Variants in APLF observed in about 807,000 individuals in gnomAD.
APLF encodes the protein aprataxin and PNK-like factor.
A neutral mutation model predicts 55.6 loss-of-function variants in APLF; 61 were observed. That is an observed-to-expected ratio of 1.10 (90% CI 0.89 to 1.36). The LOEUF is 1.36. Ranked by LOEUF, APLF falls within the 40% of genes most tolerant of loss-of-function variation. The pLI, the probability that APLF is intolerant of heterozygous loss-of-function variation, is 0.00. For missense variants in APLF, 611 were observed against 602.5 expected (o/e 1.01, Z -0.15); for synonymous variants, 207 against 214.8 (o/e 0.96, Z 0.32).
chr2:68,519,100 AATATAAT>A (rs1432762593), intron 5 of APLF, among the ~76,000 whole-genome samples: 2 of 132,384 alleles, frequency 1.5e-5, no homozygotes, highest in Non-Finnish European at 3.1e-5. Flanking sequence ...AATATATAAT[AATATAAT>A]ATATAATATA....
At position 68,545,184 on chromosome 2, in the gene APLF, T is replaced by A. The variant is rs759060036; in HGVS notation, c.1161-3T>A. 1 of 1,612,556 alleles carries A rather than the reference T, an allele frequency of 6.2e-7. No individual in the cohort carries two copies. Among genetic ancestry groups the A allele is most frequent in the South Asian group, 1.1e-5 (1 of 90,908 alleles). On this transcript the variant is annotated splice_polypyrimidine_tract_variant and splice_region_variant and intron_variant, in intron 7 of 9. Transcript: ENST00000303795. ...TCTGACAGTATATTTGTCGCCCTCC[T>A]AGGAAGAATCCTGTTCATTTTCAAC...
chr2:68,539,349 C>G (rs1316780255), intron 7 of APLF, among the ~76,000 whole-genome samples: 1 of 152,208 alleles, frequency 6.6e-6, no homozygotes. Flanking sequence ...AGCCCTAGAT[C>G]ATGGTGTCAG....
intron 1 of APLF, among the ~76,000 whole-genome samples, chr2:68,483,060 G>A (rs1676015079): frequency 6.6e-6 from 1 of 152,058 alleles, no homozygotes; most frequent in Admixed American, 6.5e-5. Flanking sequence ...GGTCTTTATG[G>A]AATGATGGTA....
At chr2:68,468,930 C>T (rs1179722082) in intron 1 of APLF, among the ~76,000 whole-genome samples, 2 of 151,592 alleles carry the variant, frequency 1.3e-5, no homozygotes, top group African/African-American at 4.8e-5. Context: ...TAGGTCCCTT[C>T]TGGGAGCAGG....
chr2:68,528,224 G>A, intron 6 of APLF: 2 of 1,118,812 alleles, frequency 1.8e-6, no homozygotes, highest in South Asian at 1.3e-5. Flanking sequence ...TTACAGGCGT[G>A]GGCCACCATG....
At chr2:68,549,867 C>G (rs1183887848) in intron 8 of APLF, among the ~76,000 whole-genome samples, 1 of 152,148 alleles carries the variant, frequency 6.6e-6, no homozygotes, top group African/African-American at 2.4e-5. Context: ...GGGAAATTTA[C>G]TCAGAGCTGT....
At chr2:68,507,069 G>C in intron 3 of APLF, among the ~76,000 whole-genome samples, 1 of 151,880 alleles carries the variant, frequency 6.6e-6, no homozygotes, top group East Asian at 1.9e-4. Flanking sequence ...CATGGAGAGG[G>C]CTTGAATTGT....
At chr2:68,506,516 C>G (rs1676876390) in intron 3 of APLF, among the ~76,000 whole-genome samples, 1 of 151,984 alleles carries the variant, frequency 6.6e-6, no homozygotes, top group Non-Finnish European at 1.5e-5. Context: ...TACTGTTGTA[C>G]AAGCTTTACA....
At chr2:68,513,788 G>C (rs779282790) in intron 5 of APLF, 108 bp downstream of exon 5, 90 of 1,297,806 alleles carry the variant, frequency 6.9e-5, no homozygotes, top group Non-Finnish European at 9.2e-5. Context: ...TAGAGTAGAG[G>C]TTGTGTAAGT....
intron 1 of APLF, among the ~76,000 whole-genome samples, chr2:68,476,552 C>A (rs1675782294): frequency 6.6e-6 from 1 of 150,998 alleles, no homozygotes; most frequent in Non-Finnish European, 1.5e-5. Flanking sequence ...ACTTCGAAGT[C>A]AATTACCAAG....
At chr2:68,571,013 T>C (rs1671444838) in intron 9 of APLF, among the ~76,000 whole-genome samples, 1 of 152,224 alleles carries the variant, frequency 6.6e-6, no homozygotes, top group Non-Finnish European at 1.5e-5. Flanking sequence ...TGGTATCTCA[T>C]TGTGGTTTTG....
rs1670045740 is a variant in APLF at position 68,526,338 on chromosome 2, TTTA to T, written c.804+99_804+101del. ...ATATAAAGAGAAATCAAAACTGCCT[TTTA>T]TTGTTGAGTTTATGAAGACAAAACT... On this transcript the variant is annotated intron_variant, in intron 6 of 9. Coordinates refer to ENST00000303795, the MANE Select transcript of APLF (RefSeq NM_173545.3). 13 of 1,454,434 alleles carry T rather than the reference TTTA, an allele frequency of 8.9e-6. No homozygotes were observed. The South Asian group carries it at 1.6e-4, about 18-fold the overall frequency. 90.1% of individuals were successfully genotyped at this position (1,454,434 alleles called of 1,614,324 possible). A position where few individuals can be genotyped will look rare whatever the true frequency, so the allele number is the denominator to read the frequency against.
At chr2:68,483,947 A>G (rs1442771451) in intron 1 of APLF, among the ~76,000 whole-genome samples, 1 of 152,182 alleles carries the variant, frequency 6.6e-6, no homozygotes, top group Non-Finnish European at 1.5e-5. Flanking sequence ...ATGTAGACAA[A>G]AAATGAAATG....
At chr2:68,535,548 A>G (rs1670363395) in intron 6 of APLF, among the ~76,000 whole-genome samples, 1 of 151,728 alleles carries the variant, frequency 6.6e-6, no homozygotes, top group African/African-American at 2.4e-5. Flanking sequence ...ATGTCTGCAT[A>G]GTATTTCATA....
chr2:68,544,700 A>T lies in APLF; in HGVS notation c.1161-487A>T, dbSNP rs1670651321. On this transcript the variant is annotated intron_variant, in intron 7 of 9. Coordinates refer to ENST00000303795, the MANE Select transcript of APLF (RefSeq NM_173545.3). ...CTTGAGACCGAAAAGTTTGAAAAAC[A>T]CTTTTAGAAGTTAGGATAGTTACCT... 2.0e-5 allele frequency among the ~76,000 whole-genome samples: 3 copies of T among 152,120 alleles called. No homozygotes were observed. The South Asian group carries it at 6.2e-4, about 32-fold the overall frequency.
intron 8 of APLF, among the ~76,000 whole-genome samples, chr2:68,563,823 C>A (rs1398030936): frequency 2.0e-5 from 3 of 151,874 alleles, no homozygotes; most frequent in Non-Finnish European, 4.4e-5. Flanking sequence ...GTACCCGAAG[C>A]AAACATATAT....
rs577091563 is a variant in APLF at position 68,493,840 on chromosome 2, G to A, written c.168+3579G>A. Among the ~76,000 whole-genome samples the A allele has an allele frequency of 3.3e-5, 5 of 151,470 alleles. No individual in the cohort carries two copies. The East Asian group carries it at 7.9e-4, about 24-fold the overall frequency. On this transcript the variant is annotated intron_variant, in intron 2 of 9. Coordinates refer to ENST00000303795, the MANE Select transcript of APLF (RefSeq NM_173545.3). Reference sequence around the variant, plus strand: ...TTAGCCAGGCGTGGCCAGGCGCGGTGGCTCACGCCTGTAATCCCAGCACTT... The same window carrying A: ...TTAGCCAGGCGTGGCCAGGCGCGGTAGCTCACGCCTGTAATCCCAGCACTT...
chr2:68,469,486 TG>T (rs1675550837), intron 1 of APLF, among the ~76,000 whole-genome samples: 1 of 152,248 alleles, frequency 6.6e-6, no homozygotes, highest in African/African-American at 2.4e-5. Flanking sequence ...GAGTGAAAGC[TG>T]GGCAATTACC....
At chr2:68,518,287 T>A (rs1356689752) in intron 5 of APLF, among the ~76,000 whole-genome samples, 4 of 115,560 alleles carry the variant, frequency 3.5e-5, no homozygotes, top group Admixed American at 2.1e-4. Context: ...TATATAATAT[T>A]AATATATTAA....
Sources: gnomAD v4.1 joint callset for allele counts (sites outside exome capture counted in the v4.1 genomes callset) on GRCh38, gnomAD v4.1.1 for gene constraint, MANE v1.5 for transcripts, NCBI Gene and HGNC (gene_info 2026-07-23, HGNC 2026-07-21) for gene names.